KCNQ4: variants seen among roughly 807,000 people sequenced by gnomAD.
KCNQ4 encodes the protein potassium voltage-gated channel subfamily KQT member 4.
A neutral mutation model predicts 72.6 loss-of-function variants in KCNQ4; 31 were observed. That is an observed-to-expected ratio of 0.43 (90% CI 0.32 to 0.58). KCNQ4 has a LOEUF of 0.58. KCNQ4 is among the 20% of genes least tolerant of loss of function. The pLI, the probability that KCNQ4 is intolerant of heterozygous loss-of-function variation, is 0.08. For missense variants in KCNQ4, 869 were observed against 962.6 expected, an observed-to-expected ratio of 0.90 and a Z score of 1.29; for synonymous variants, 405 against 403.7, an observed-to-expected ratio of 1.00 and a Z score of -0.04.
At chr1:40,801,553 T>C (rs79688311) in intron 1 of KCNQ4, among the ~76,000 whole-genome samples, 2,383 of 152,288 alleles carry the variant, frequency 0.016, 75 homozygotes, top group African/African-American at 0.055. Context: ...GGAGAGAAAG[T>C]AGGAACAAGA....
intron 1 of KCNQ4, among the ~76,000 whole-genome samples, chr1:40,798,295 G>A (rs558025170): frequency 8.3e-4 from 126 of 152,288 alleles, no homozygotes; most frequent in Admixed American, 2.4e-3. Flanking sequence ...GAGCTTCCCA[G>A]GGGCTGGCCT....
In KCNQ4 at chr1:40,819,401, C is replaced by T. The variant is rs749057009; in HGVS notation, c.763C>T (p.Leu255=). ...GFLVLIFASF[L]VYLAEKDANS... Reference sequence around the variant, plus strand: ...CCTGGTGCTCATCTTCGCCTCCTTCCTGGTCTACCTGGCTGAGAAGGACGC... The same window carrying T: ...CCTGGTGCTCATCTTCGCCTCCTTCTTGGTCTACCTGGCTGAGAAGGACGC... Residue 255 remains leucine, a synonymous_variant, in exon 5 of 14, where the codon CTG becomes TTG. Transcript: ENST00000347132. 2 of 1,613,992 alleles carry T rather than the reference C, an allele frequency of 1.2e-6. No homozygotes were observed. Among genetic ancestry groups the T allele is most frequent in the Non-Finnish European group, 1.7e-6 (2 of 1,179,968 alleles).
intron 9 of KCNQ4, among the ~76,000 whole-genome samples, chr1:40,830,191 G>C (rs1355325813): frequency 6.6e-6 from 1 of 152,192 alleles, no homozygotes; most frequent in Non-Finnish European, 1.5e-5. Context: ...AAGGTGGGCT[G>C]AACTTAGGTA....
intron 8 of KCNQ4, among the ~76,000 whole-genome samples, chr1:40,823,098 T>C (rs1329068788): frequency 6.6e-6 from 1 of 152,238 alleles, no homozygotes; most frequent in Non-Finnish European, 1.5e-5. Flanking sequence ...GATGCTGTGC[T>C]CAGCGCTTCT....
In KCNQ4 at chr1:40,837,728, G is replaced by A. The variant is rs1403519850; in HGVS notation, c.1809G>A (p.Gly603=). ...AGGCCCGGGAGAAGGGCGACAAGGG[G>A]CCCTCCGACGCGGAGGTGGTGGATG... is the stretch of plus-strand genomic sequence containing the variant. The part of the protein sequence containing the change: ...DRKAREKGDK[G]PSDAEVVDEI... The change falls in exon 13 of 14, where the codon GGG becomes GGA. Residue 603 remains glycine, a synonymous_variant. Coordinates refer to ENST00000347132, the MANE Select transcript of KCNQ4 (RefSeq NM_004700.4). 10 of 1,612,930 alleles carry A rather than the reference G, an allele frequency of 6.2e-6. No homozygotes were observed. The highest frequency in any genetic ancestry group is 8.5e-6 in the Non-Finnish European group (10 of 1,179,602).
At chr1:40,818,819 C>T (rs547528751) in intron 4 of KCNQ4, 139 bp downstream of exon 4, 3 of 978,712 alleles carry the variant, frequency 3.1e-6, no homozygotes, top group Admixed American at 4.3e-5. Context: ...GGAGCCCTAG[C>T]AGGAGGCGAG....
At chr1:40,808,419 G>C (rs1445543587) in intron 1 of KCNQ4, among the ~76,000 whole-genome samples, 2 of 152,140 alleles carry the variant, frequency 1.3e-5, no homozygotes, top group Non-Finnish European at 2.9e-5. Flanking sequence ...AGCCATCCTC[G>C]CTGCTGAGGA....
intron 1 of KCNQ4, among the ~76,000 whole-genome samples, chr1:40,798,802 T>C (rs1162372596): frequency 1.3e-5 from 2 of 152,242 alleles, no homozygotes; most frequent in Non-Finnish European, 2.9e-5. Flanking sequence ...GCCCCTGTGT[T>C]TGGACCTGGC....
intron 1 of KCNQ4, among the ~76,000 whole-genome samples, chr1:40,807,687 C>T (rs928730965): frequency 4.6e-5 from 7 of 152,354 alleles, no homozygotes; most frequent in East Asian, 1.9e-4. Flanking sequence ...GAAGTCCCTT[C>T]TTCGGTATCA....
At position 40,814,046 on chromosome 1, in the gene KCNQ4, CTTTTTT is replaced by C. The variant is rs35243800; in HGVS notation, c.315-3200_315-3195del. On this transcript the variant is annotated intron_variant, in intron 1 of 13. Coordinates refer to ENST00000347132, the MANE Select transcript of KCNQ4 (RefSeq NM_004700.4). The stretch of plus-strand genomic sequence containing the variant: ...ACAGGCGTGAGCCACTGCGCCCGGC[CTTTTTT>C]TTTTTTTTTTTTTTTTTTGAGATGA... Among the ~76,000 whole-genome samples, 143 of 52,710 alleles carry C rather than the reference CTTTTTT, an allele frequency of 2.7e-3. 3 individuals carry two copies. The East Asian group carries it at 0.058, about 21-fold the overall frequency. 34.6% of individuals were successfully genotyped at this position (52,710 alleles called of 152,430 possible).
intron 9 of KCNQ4, among the ~76,000 whole-genome samples, chr1:40,829,581 C>T (rs894191115): frequency 1.3e-5 from 2 of 152,120 alleles, no homozygotes; most frequent in Non-Finnish European, 2.9e-5. Context: ...CACCCCATGC[C>T]CTGGGCATGG....
Position 40,784,173 on chromosome 1 carries a change from C to T in KCNQ4, c.80C>T (p.Thr27Met). The T allele has an allele frequency of 9.0e-7, 1 of 1,116,502 alleles. No individual in the cohort carries two copies. Among genetic ancestry groups the T allele is most frequent in the Non-Finnish European group, 1.1e-6 (1 of 908,438 alleles). 69.2% of individuals were successfully genotyped at this position (1,116,502 alleles called of 1,614,324 possible). A position where few individuals can be genotyped will look rare whatever the true frequency, so the allele number is the denominator to read the frequency against. ...CCCCGCGCGGAGCTAGTGGCGCTCA[C>T]GGCCGTGCAGAGCGAACAGGGCGAG... is the stretch of plus-strand genomic sequence containing the variant. Reference protein sequence around the residue: ...DAPRAELVALTAVQSEQGEAG... With the variant: ...DAPRAELVALMAVQSEQGEAG... The change falls in exon 1 of 14, where the codon ACG (threonine) becomes ATG (methionine). Residue 27 changes from threonine to methionine, a missense_variant. Physicochemically the swap from Thr to Met is moderately conservative, Grantham distance 81 (BLOSUM62 -1). Transcript: ENST00000347132. The surrounding 1 kb of genome is among the most constrained non-coding windows in gnomAD (Gnocchi z 4.1).
intron 1 of KCNQ4, among the ~76,000 whole-genome samples, chr1:40,795,515 G>T (rs140665801): frequency 6.6e-6 from 1 of 152,012 alleles, no homozygotes; most frequent in Middle Eastern, 3.2e-3. Context: ...TCCCACCCTG[G>T]CCTCCCAAAG....
intron 1 of KCNQ4, among the ~76,000 whole-genome samples, chr1:40,797,591 T>G (rs1647452868): frequency 6.6e-6 from 1 of 151,920 alleles, no homozygotes; most frequent in Non-Finnish European, 1.5e-5. Context: ...CAGATTCGTG[T>G]TTTAGAAACT....
At chr1:40,826,569 G>T in intron 9 of KCNQ4, 1 of 425,366 alleles carries the variant, frequency 2.4e-6, no homozygotes, top group Non-Finnish European at 4.9e-6. Flanking sequence ...CATCCCAGCA[G>T]CTCCCCACAC....
Position 40,805,392 on chromosome 1 carries a change from C to T in KCNQ4, c.315-11873C>T, listed in dbSNP as rs142719330. ...TCCTTACCATAGCCAGTAGATGGTC[C>T]GCTTTCCACCTCCCCTGCCTCTCTG... On this transcript the variant is annotated intron_variant, in intron 1 of 13. Transcript: ENST00000347132. Among the ~76,000 whole-genome samples, 651 of 152,242 alleles carry T rather than the reference C, an allele frequency of 4.3e-3. 3 individuals carry two copies. The highest frequency in any genetic ancestry group is 0.015 in the African/African-American group (617 of 41,520).
At chr1:40,832,251 C>T (rs568630809) in intron 10 of KCNQ4, among the ~76,000 whole-genome samples, 2 of 152,186 alleles carry the variant, frequency 1.3e-5, no homozygotes, top group Non-Finnish European at 2.9e-5. Flanking sequence ...ACAGCTCCCC[C>T]TTTGGCCTTG....
chr1:40,807,121 G>T (rs1430475439), intron 1 of KCNQ4, among the ~76,000 whole-genome samples: 1 of 152,196 alleles, frequency 6.6e-6, no homozygotes, highest in Non-Finnish European at 1.5e-5. Flanking sequence ...TTTATAACTT[G>T]TCAGGCTAAC....
intron 9 of KCNQ4, 105 bp from the exon 10 acceptor site, chr1:40,830,979 C>T (rs1648625754): frequency 1.0e-6 from 1 of 963,638 alleles, no homozygotes; most frequent in Non-Finnish European, 1.6e-6. Context: ...GCGGGGAATC[C>T]AGACCTAATA....
Sources: allele counts gnomAD v4.1 joint callset (sites outside exome capture counted in the v4.1 genomes callset), GRCh38; gene constraint gnomAD v4.1.1; non-coding constraint Gnocchi (gnomAD v3.1); transcripts MANE v1.5; gene names NCBI Gene and HGNC (gene_info 2026-07-23, HGNC 2026-07-21).